The following RBFOX1 variants were observed in gnomAD, a reference collection of about 807,000 sequenced individuals.
RBFOX1 encodes the protein RNA binding fox-1 homolog 1.
RBFOX1 carries 8 observed loss-of-function variants against 57.7 expected under a neutral mutation model. That is an observed-to-expected ratio of 0.14 (90% CI 0.08 to 0.25). The LOEUF is 0.25. RBFOX1 is among the 10% of genes least tolerant of loss of function. RBFOX1 has a pLI of 1.00. For synonymous variants in RBFOX1, 326 were observed against 222.4 expected, an observed-to-expected ratio of 1.47 and a Z score of -4.15; for missense variants, 611 against 548.5, an observed-to-expected ratio of 1.11 and a Z score of -1.14.
At chr16:7,335,512 C>T (rs1223881076) in intron 4 of RBFOX1, among the ~76,000 whole-genome samples, 2 of 151,492 alleles carry the variant, frequency 1.3e-5, no homozygotes, top group Non-Finnish European at 2.9e-5. Context: ...CAGAGTGCTC[C>T]CTTTTCATAT....
At chr16:5,787,527 G>T (rs892391542) in intron 3 of RBFOX1, among the ~76,000 whole-genome samples, 4 of 152,204 alleles carry the variant, frequency 2.6e-5, no homozygotes, top group African/African-American at 9.6e-5. Flanking sequence ...CATACTCAAG[G>T]ACAGTATGGT....
At chr16:6,904,337 A>G (rs187170917) in intron 3 of RBFOX1, among the ~76,000 whole-genome samples, 34 of 152,164 alleles carry the variant, frequency 2.2e-4, no homozygotes, top group African/African-American at 7.2e-4. Flanking sequence ...GGGCTGGCTC[A>G]TGCCTGTAAT....
chr16:5,272,685 G>T (rs1285799299), intron 1 of RBFOX1, among the ~76,000 whole-genome samples: 9 of 152,196 alleles, frequency 5.9e-5, no homozygotes, highest in African/African-American at 1.4e-4. Flanking sequence ...GCCATGGAAA[G>T]GTTCCCATGA....
At chr16:7,469,699 A>G (rs1404889181) in intron 4 of RBFOX1, among the ~76,000 whole-genome samples, 1 of 152,150 alleles carries the variant, frequency 6.6e-6, no homozygotes, top group Non-Finnish European at 1.5e-5. Flanking sequence ...GAACATGGAA[A>G]TTTCCCCTTT....
intron 3 of RBFOX1, among the ~76,000 whole-genome samples, chr16:5,735,990 G>A (rs1319011175): frequency 2.0e-5 from 3 of 152,154 alleles, no homozygotes; most frequent in African/African-American, 7.2e-5. Flanking sequence ...CTTAAAAGCA[G>A]AGGTTTGCTT....
intron 2 of RBFOX1, among the ~76,000 whole-genome samples, chr16:6,317,853 T>C (rs558637542): frequency 6.6e-6 from 1 of 152,312 alleles, no homozygotes; most frequent in South Asian, 2.1e-4. Flanking sequence ...ATCAAAATTT[T>C]AAAAGGCTAG....
Position 6,869,019 on chromosome 16 carries a change from T to A in RBFOX1, c.-15-183038T>A, listed in dbSNP as rs145168376. Among the ~76,000 whole-genome samples, 783 of 152,256 alleles carry A rather than the reference T, an allele frequency of 5.1e-3. 7 individuals carry two copies. The highest frequency in any genetic ancestry group is 0.018 in the African/African-American group (733 of 41,554). On this transcript the variant is annotated intron_variant, in intron 3 of 15. Coordinates refer to ENST00000550418, the MANE Select transcript of RBFOX1 (RefSeq NM_018723.4). ...CTGAGTGACTACAAAAAACAAAAGTTCCAGCCAACCTGTATTGAGCACATG... is the reference window on the plus strand; with the variant it reads ...CTGAGTGACTACAAAAAACAAAAGTACCAGCCAACCTGTATTGAGCACATG...
At chr16:5,632,629 C>T (rs930218051) in intron 3 of RBFOX1, 2 of 152,198 alleles carry the variant, frequency 1.3e-5, no homozygotes, top group Non-Finnish European at 2.9e-5. Flanking sequence ...TGTCCACGAG[C>T]CACCTAGCCC....
In RBFOX1 at chr16:6,885,233, G is replaced by A. The variant is rs138184589; in HGVS notation, c.-15-166824G>A. Among the ~76,000 whole-genome samples, 133 of 152,280 alleles carry A rather than the reference G, an allele frequency of 8.7e-4. 1 individual carries two copies. The highest frequency in any genetic ancestry group is 3.2e-3 in the African/African-American group (131 of 41,564). On this transcript the variant is annotated intron_variant, in intron 3 of 15. Transcript: ENST00000550418. ...AAACTAGAACTGTGGTTTTTCAGAT[G>A]TGGTCTCCAGTCCAGCAGCGTCAGC... is the stretch of plus-strand genomic sequence containing the variant.
At chr16:6,597,407 C>T (rs546227480) in intron 2 of RBFOX1, among the ~76,000 whole-genome samples, 1 of 152,190 alleles carries the variant, frequency 6.6e-6, no homozygotes, top group Admixed American at 6.5e-5. Flanking sequence ...GGCGCGGTGG[C>T]TCACACCAGT....
chr16:6,814,553 G>A (rs190276871), intron 3 of RBFOX1, among the ~76,000 whole-genome samples: 8 of 152,202 alleles, frequency 5.3e-5, no homozygotes, highest in Admixed American at 5.2e-4. Context: ...TGCTGTGAAG[G>A]GAAGTTACAC....
At chr16:5,283,578 C>G (rs552342696) in intron 1 of RBFOX1, among the ~76,000 whole-genome samples, 2 of 152,166 alleles carry the variant, frequency 1.3e-5, no homozygotes, top group East Asian at 1.9e-4. Context: ...ATCAGCATGA[C>G]CTGCATGTGA....
chr16:5,848,054 C>T (rs2056801448), intron 3 of RBFOX1, among the ~76,000 whole-genome samples: 1 of 152,116 alleles, frequency 6.6e-6, no homozygotes, highest in Non-Finnish European at 1.5e-5. Flanking sequence ...ATGGCAGATG[C>T]ACCTGAATGT....
chr16:6,679,618 C>G (rs1413615789), intron 3 of RBFOX1, among the ~76,000 whole-genome samples: 1 of 152,144 alleles, frequency 6.6e-6, no homozygotes, highest in Non-Finnish European at 1.5e-5. Context: ...TGGAAAGGGT[C>G]TAACATTTTT....
chr16:6,689,056 G>C (rs1370027933), intron 3 of RBFOX1, among the ~76,000 whole-genome samples: 3 of 152,140 alleles, frequency 2.0e-5, no homozygotes, highest in African/African-American at 4.8e-5. Flanking sequence ...ATTTGGGTTG[G>C]TTGCAAGTCT....
At chr16:6,628,578 C>G (rs570364369) in intron 2 of RBFOX1, among the ~76,000 whole-genome samples, 12 of 152,200 alleles carry the variant, frequency 7.9e-5, no homozygotes, top group Admixed American at 3.9e-4. Context: ...TTATGCATTT[C>G]AAAGTGACTT....
chr16:7,702,325 G>A (rs1328755728), intron 14 of RBFOX1, among the ~76,000 whole-genome samples: 1 of 152,160 alleles, frequency 6.6e-6, no homozygotes, highest in Non-Finnish European at 1.5e-5. Flanking sequence ...GTCCTTTGAA[G>A]TGAGCTTTTG....
At chr16:7,316,985 CAA>C (rs1491422234) in intron 4 of RBFOX1, among the ~76,000 whole-genome samples, 2,883 of 150,920 alleles carry the variant, frequency 0.019, 49 homozygotes, top group African/African-American at 0.045. Context: ...CACACACACA[CAA>C]ACACACACAC....
At chr16:5,876,576 G>A (rs1483793341) in intron 4 of RBFOX1, among the ~76,000 whole-genome samples, 1 of 152,168 alleles carries the variant, frequency 6.6e-6, no homozygotes, top group Non-Finnish European at 1.5e-5. Context: ...GGCTTCCCCT[G>A]CTACAGCTAA....
Sources: allele counts gnomAD v4.1 joint callset (sites outside exome capture counted in the v4.1 genomes callset), GRCh38; gene constraint gnomAD v4.1.1; transcripts MANE v1.5; gene names NCBI Gene and HGNC (gene_info 2026-07-23, HGNC 2026-07-21).